RICTOR: variants seen among roughly 807,000 people sequenced by gnomAD.
RICTOR encodes RPTOR independent companion of MTOR complex 2.
A neutral mutation model predicts 214.9 loss-of-function variants in RICTOR; 49 were observed. The ratio of observed to expected loss-of-function variants is 0.23; its 90% CI spans 0.18 to 0.29. The LOEUF (loss-of-function observed/expected upper bound fraction) is 0.29. Among genes scored for constraint, RICTOR ranks in the 10% least tolerant of loss-of-function variants. The pLI is 1.00. For synonymous variants in RICTOR, 717 were observed against 711.3 expected (o/e 1.01, Z -0.13); for missense variants, 1,625 against 2,047.0 (o/e 0.79, Z 3.98).
At position 38,945,683 on chromosome 5, in the gene RICTOR, G is replaced by A; in HGVS notation, c.4441C>T (p.His1481Tyr). The A allele has an allele frequency of 6.2e-7, 1 of 1,613,538 alleles. No individual in the cohort carries two copies. Residue 1481 changes from histidine to tyrosine, a missense_variant, in exon 34 of 38, where the codon CAC becomes TAC. Coordinates refer to ENST00000357387, the MANE Select transcript of RICTOR (RefSeq NM_152756.5). The part of the protein sequence containing the change: ...GTGGLVKNSF[H>Y]LLRQQMSLTE... ...AGACTCATCTGCTGTCGTAGCAAGT[G>A]AAAAGAATTTTTTACAAGACCTCCA...
rs1257620267 is a variant in RICTOR, at chr5:38,990,708, T to TATCA, written c.583+240_583+241insTGAT. 3.4e-4 allele frequency among the ~76,000 whole-genome samples: 3 copies of TATCA among 8,808 alleles called. 1 individual carries two copies. The highest frequency in any genetic ancestry group is 1.6e-3 in the Admixed American group (1 of 608). 5.8% of individuals were successfully genotyped at this position (8,808 alleles called of 152,430 possible). A position where few individuals can be genotyped will look rare whatever the true frequency, so the allele number is the denominator to read the frequency against. On this transcript the variant is annotated intron_variant, in intron 7 of 37. Coordinates refer to ENST00000357387, the MANE Select transcript of RICTOR (RefSeq NM_152756.5). The stretch of plus-strand genomic sequence containing the variant: ...TCATATATATGATATATATCAGATA[T>TATCA]GATATATATGATATATATCATATAT...
intron 2 of RICTOR, among the ~76,000 whole-genome samples, chr5:39,070,027 A>T (rs143714050): frequency 2.9e-3 from 448 of 152,302 alleles, no homozygotes; most frequent in Non-Finnish European, 5.3e-3. Context: ...AACCCTTAAA[A>T]GGGGGAAAGA....
intron 7 of RICTOR, among the ~76,000 whole-genome samples, chr5:38,990,666 G>T (rs59458980): frequency 6.9e-5 from 2 of 29,046 alleles, no homozygotes; most frequent in Non-Finnish European, 1.4e-4. Context: ...ATATATATCA[G>T]ATATATATCA....
intron 27 of RICTOR, among the ~76,000 whole-genome samples, chr5:38,954,026 T>C (rs1749022514): frequency 6.6e-6 from 1 of 151,842 alleles, no homozygotes; most frequent in South Asian, 2.1e-4. Flanking sequence ...CAAATGTTAA[T>C]ATGAAAATAC....
At chr5:38,993,838 G>A (rs1752961158) in intron 6 of RICTOR, among the ~76,000 whole-genome samples, 1 of 152,100 alleles carries the variant, frequency 6.6e-6, no homozygotes, top group Non-Finnish European at 1.5e-5. Flanking sequence ...TTTGCTTTCT[G>A]ATGGTTCAAT....
At chr5:38,984,831 G>T (rs1435201441) in intron 7 of RICTOR, among the ~76,000 whole-genome samples, 1 of 151,950 alleles carries the variant, frequency 6.6e-6, no homozygotes, top group African/African-American at 2.4e-5. Flanking sequence ...GGTGGTGGTG[G>T]TGTTTTGATA....
At chr5:38,980,107 C>T (rs898611177) in intron 8 of RICTOR, among the ~76,000 whole-genome samples, 1 of 152,114 alleles carries the variant, frequency 6.6e-6, no homozygotes, top group Non-Finnish European at 1.5e-5. Context: ...ATTTTTTTCA[C>T]ATATCCAATT....
Position 38,955,633 on chromosome 5 carries a change from A to C in RICTOR, c.2571T>G (p.Pro857=). Residue 857 remains proline (P), a synonymous_variant, in exon 26 of 38, where the codon CCT becomes CCG. Coordinates refer to ENST00000357387, the MANE Select transcript of RICTOR (RefSeq NM_152756.5). ...LNEALTTYRK[P]VDGDNYVRRS... is the part of the protein sequence containing the mutation. ...GACGAACATAGTTATCACCATCAAC[A>C]GGCTTCCGGTAAGTAGTAAGTGCTT... 18 of 1,610,514 alleles carry C rather than the reference A, an allele frequency of 1.1e-5. No individual in the cohort carries two copies. Among genetic ancestry groups the C allele is most frequent in the Non-Finnish European group, 1.5e-5 (18 of 1,176,804 alleles).
At position 38,947,419 on chromosome 5, in the gene RICTOR, C is replaced by A. The variant is rs1748330459; in HGVS notation, c.4159G>T (p.Ala1387Ser). 5 of 1,610,072 alleles carry A rather than the reference C, an allele frequency of 3.1e-6. No homozygotes were observed. The highest frequency in any genetic ancestry group is 2.5e-6 in the Non-Finnish European group (3 of 1,176,650). Residue 1387 changes from alanine to serine, a missense_variant, in exon 32 of 38, where the codon GCA (alanine) becomes TCA (serine). Around this residue, in one of 5 missense-constraint regions of RICTOR, gnomAD observed 1,214 missense variants for 1,470.5 expected, o/e 0.83. Coordinates refer to ENST00000357387, the MANE Select transcript of RICTOR (RefSeq NM_152756.5). ...PSRFMKALSY[A>S]SLDKEDLLSP... ...AATAAATCTTCTTTATCTAATGATG[C>A]ATAACTTAAGGCTTTCATGAACCTA... is the stretch of plus-strand genomic sequence containing the variant.
chr5:38,966,791 A>C, intron 14 of RICTOR, 70 bp from the exon 15 acceptor site: 1 of 761,248 alleles, frequency 1.3e-6, no homozygotes, highest in Non-Finnish European at 2.0e-6. Flanking sequence ...CATCAGATTT[A>C]TTTTTCAAAA....
At chr5:39,002,734 CA>C in intron 4 of RICTOR, 68 bp from the exon 5 acceptor site, 5 of 1,467,322 alleles carry the variant, frequency 3.4e-6, no homozygotes, top group Non-Finnish European at 4.6e-6. Flanking sequence ...ATTATATTAC[CA>C]AATTATTCCT....
chr5:39,035,638 G>C (rs1407596946), intron 2 of RICTOR, among the ~76,000 whole-genome samples: 1 of 152,144 alleles, frequency 6.6e-6, no homozygotes, highest in Non-Finnish European at 1.5e-5. Context: ...GGACCCGATG[G>C]AGCTGAAAAC....
chr5:39,067,727 T>G (rs565224847), intron 2 of RICTOR, among the ~76,000 whole-genome samples: 1 of 152,324 alleles, frequency 6.6e-6, no homozygotes, highest in Admixed American at 6.5e-5. Flanking sequence ...TCACGTGAAA[T>G]TCAAGGTGCA....
At chr5:39,030,055 A>C (rs959739023) in intron 2 of RICTOR, among the ~76,000 whole-genome samples, 10 of 152,166 alleles carry the variant, frequency 6.6e-5, no homozygotes, top group Non-Finnish European at 1.0e-4. Context: ...AGCTATGTTA[A>C]TGATCACATT....
At chr5:38,992,122 A>T (rs943329518) in intron 6 of RICTOR, among the ~76,000 whole-genome samples, 2 of 152,166 alleles carry the variant, frequency 1.3e-5, no homozygotes, top group Non-Finnish European at 2.9e-5. Context: ...TTTAAGACAT[A>T]TTACAAAGTT....
chr5:39,054,728 C>T (rs893393264), intron 2 of RICTOR, among the ~76,000 whole-genome samples: 3 of 152,244 alleles, frequency 2.0e-5, no homozygotes, highest in East Asian at 1.9e-4. Flanking sequence ...TAACCTCAAC[C>T]TTCAGAAAAA....
At position 38,987,608 on chromosome 5, in the gene RICTOR, CTTT is replaced by C. The variant is rs533878966; in HGVS notation, c.583+3338_583+3340del. 2.4e-3 allele frequency among the ~76,000 whole-genome samples: 363 copies of C among 152,070 alleles called. 1 individual carries two copies. The highest frequency in any genetic ancestry group is 6.8e-3 in the Middle Eastern group (2 of 294). ...CTATTTGATTCTTCTCTCTTTTCTTCTTTATTAGTCTGGCTAGCGGTCTATTTT... is the reference window on the plus strand; with the variant it reads ...CTATTTGATTCTTCTCTCTTTTCTTCATTAGTCTGGCTAGCGGTCTATTTT... On this transcript the variant is annotated intron_variant, in intron 7 of 37. Transcript: ENST00000357387.
intron 3 of RICTOR, among the ~76,000 whole-genome samples, chr5:39,012,704 T>C (rs1043877747): frequency 6.6e-6 from 1 of 152,200 alleles, no homozygotes; most frequent in Non-Finnish European, 1.5e-5. Context: ...GAACAAATCA[T>C]TGACTATGTT....
At position 38,967,211 on chromosome 5, in the gene RICTOR, T is replaced by A. The variant is rs763121686; in HGVS notation, c.1168A>T (p.Asn390Tyr). ...RARSRPDLMDNYLALILSAFI... is the reference protein window; with the variant it reads ...RARSRPDLMDYYLALILSAFI... ...GCAGAGAGTATCAGTGCCAAATAAT[T>A]ATCCATGAGGTCTGGCCTGGAAAAA... Residue 390 changes from asparagine (N) to tyrosine (Y), a missense_variant, in exon 14 of 38, where the codon AAT (asparagine) becomes TAT (tyrosine). By Grantham distance (143) the Asn-to-Tyr change is moderately radical. Coordinates refer to ENST00000357387, the MANE Select transcript of RICTOR (RefSeq NM_152756.5). 6.2e-7 allele frequency: 1 copy of A among 1,612,908 alleles called. No homozygotes were observed.
Sources: allele counts gnomAD v4.1 joint callset (sites outside exome capture counted in the v4.1 genomes callset), GRCh38; gene constraint gnomAD v4.1.1; regional missense constraint gnomAD v4.1.1; transcripts MANE v1.5; gene names NCBI Gene and HGNC (gene_info 2026-07-23, HGNC 2026-07-21).